TULP4: variants seen among roughly 807,000 people sequenced by gnomAD.
TULP4 encodes the protein TUB like protein 4, also known as tubby-related protein 4.
TULP4 carries 16 observed loss-of-function variants against 129.0 expected under a neutral mutation model. The ratio of observed to expected loss-of-function variants is 0.12; its 90% CI spans 0.08 to 0.19. TULP4 has a LOEUF of 0.19. Ranked by LOEUF, TULP4 falls within the 10% of genes least tolerant of loss-of-function variation. The pLI is 1.00. For missense variants in TULP4, 1,842 were observed against 2,059.1 expected (o/e 0.89, Z 2.04); for synonymous variants, 998 against 854.0 (o/e 1.17, Z -2.94).
intron 4 of TULP4, among the ~76,000 whole-genome samples, chr6:158,449,587 C>A (rs141332909): frequency 6.6e-6 from 1 of 152,178 alleles, no homozygotes; most frequent in African/African-American, 2.4e-5. Context: ...TTAAAGCCCG[C>A]GGCTTTAGGT....
chr6:158,323,896 C>CT (rs369602751), intron 1 of TULP4, among the ~76,000 whole-genome samples: 10 of 152,124 alleles, frequency 6.6e-5, no homozygotes, highest in African/African-American at 2.4e-4. Context: ...TACGTAGGAT[C>CT]TTTTTTCTTG....
At chr6:158,237,336 T>C in intron 1 of TULP4, 1 of 1,611,586 alleles carries the variant, frequency 6.2e-7, no homozygotes, top group Non-Finnish European at 8.5e-7. Context: ...AATATTCTCA[T>C]CACCAGCCAC....
intron 11 of TULP4, among the ~76,000 whole-genome samples, chr6:158,496,704 A>G (rs1264632031): frequency 6.6e-6 from 1 of 152,242 alleles, no homozygotes; most frequent in Non-Finnish European, 1.5e-5. Flanking sequence ...CCATCTGCCT[A>G]TGGTAAATAT....
intron 1 of TULP4, 35 bp downstream of exon 1, chr6:158,314,303 TC>T (rs754652079): frequency 1.9e-6 from 3 of 1,599,016 alleles, no homozygotes; most frequent in Middle Eastern, 1.7e-4. Context: ...TTTGGTCACT[TC>T]CAGTGGTGTT....
At position 158,331,743 on chromosome 6, in the gene TULP4, ACGTGTATATACACGTG is replaced by A. The variant is rs1779891900; in HGVS notation, c.252+17476_252+17491del. On this transcript the variant is annotated intron_variant, in intron 1 of 13. Transcript: ENST00000367097. ...CACACACACACATACGTATATATAT[ACGTGTATATACACGTG>A]TATATATACACGTATATATACACAC... 1.0e-4 allele frequency among the ~76,000 whole-genome samples: 4 copies of A among 38,702 alleles called. 1 individual carries two copies. The highest frequency in any genetic ancestry group is 1.4e-3 in the East Asian group (2 of 1,444). 25.4% of individuals were successfully genotyped at this position (38,702 alleles called of 152,430 possible). A position where few individuals can be genotyped will look rare whatever the true frequency, so the allele number is the denominator to read the frequency against.
chr6:158,294,117 A>C (rs1218587096), intron 1 of TULP4, among the ~76,000 whole-genome samples: 1 of 152,222 alleles, frequency 6.6e-6, no homozygotes, highest in African/African-American at 2.4e-5. Context: ...TAATCCCAGC[A>C]CTTTGGAAGA....
intron 5 of TULP4, 39 bp downstream of exon 5, chr6:158,452,307 GC>G (rs1779180031): frequency 1.2e-6 from 2 of 1,606,892 alleles, no homozygotes; most frequent in African/African-American, 2.7e-5. Context: ...TGCAGACCGG[GC>G]CTGTGTGTGC....
intron 5 of TULP4, among the ~76,000 whole-genome samples, chr6:158,459,137 A>G (rs1374670797): frequency 2.6e-5 from 4 of 152,220 alleles, no homozygotes; most frequent in East Asian, 1.9e-4. Context: ...CACCTGCATT[A>G]GAAGAAGTCC....
chr6:158,281,266 T>G (rs1583701188), upstream of TULP4, among the ~76,000 whole-genome samples: 1 of 150,888 alleles, frequency 6.6e-6, no homozygotes, highest in Admixed American at 6.6e-5. Flanking sequence ...CAGGCTGGAG[T>G]GCAGTGGCAC....
chr6:158,262,558 A>G (rs1778370589), intron 1 of TULP4, among the ~76,000 whole-genome samples: 1 of 152,188 alleles, frequency 6.6e-6, no homozygotes. Context: ...GCTCCTGCCC[A>G]TTCAGGAGCT....
At chr6:158,352,452 A>G (rs1056688740) in intron 1 of TULP4, among the ~76,000 whole-genome samples, 1 of 152,178 alleles carries the variant, frequency 6.6e-6, no homozygotes, top group African/African-American at 2.4e-5. Flanking sequence ...GCTGGAGTGC[A>G]GTGGCACGAT....
intron 11 of TULP4, among the ~76,000 whole-genome samples, chr6:158,496,276 G>A (rs1780336683): frequency 6.6e-6 from 1 of 152,198 alleles, no homozygotes; most frequent in Non-Finnish European, 1.5e-5. Context: ...TACTAAAACT[G>A]GTTTTTGAAA....
intron 1 of TULP4, among the ~76,000 whole-genome samples, chr6:158,381,816 T>C (rs558101295): frequency 6.6e-5 from 10 of 152,380 alleles, no homozygotes; most frequent in South Asian, 2.1e-4. Flanking sequence ...TAGCTTCTCT[T>C]AATGAAACCT....
Position 158,367,056 on chromosome 6 carries a change from G to GA in TULP4, c.253-45998dup, listed in dbSNP as rs11315725. 6.8e-3 allele frequency among the ~76,000 whole-genome samples: 1,014 copies of GA among 149,998 alleles called. 9 individuals are homozygous for GA. Among genetic ancestry groups the GA allele is most frequent in the African/African-American group, 0.023 (944 of 41,050 alleles). ...CTAAGCTGGACTTTGCTTTTGGATT[G>GA]AAAAAAAAAAATCTGAATAACGCTT... On this transcript the variant is annotated intron_variant, in intron 1 of 13. Transcript: ENST00000367097.
At chr6:158,287,981 G>A (rs1259929267) in intron 1 of TULP4, among the ~76,000 whole-genome samples, 5 of 152,148 alleles carry the variant, frequency 3.3e-5, no homozygotes, top group African/African-American at 1.2e-4. Flanking sequence ...CAAAACGGGT[G>A]AATATTAACT....
At chr6:158,283,825 C>T (rs145335830) in intron 1 of TULP4, among the ~76,000 whole-genome samples, 8 of 152,272 alleles carry the variant, frequency 5.3e-5, no homozygotes, top group Non-Finnish European at 1.2e-4. Flanking sequence ...CAGCCTCTCT[C>T]TTGTATTGGC....
intron 2 of TULP4, among the ~76,000 whole-genome samples, chr6:158,416,431 A>G (rs1212729335): frequency 6.6e-6 from 1 of 150,478 alleles, no homozygotes; most frequent in Non-Finnish European, 1.5e-5. Context: ...TATGTGTCTT[A>G]GTTTTTAACA....
intron 13 of TULP4, among the ~76,000 whole-genome samples, chr6:158,505,123 G>A (rs1250912645): frequency 1.3e-5 from 2 of 152,108 alleles, no homozygotes; most frequent in East Asian, 1.9e-4. Context: ...CCCAGTTCTC[G>A]AACCGGATGT....
intron 1 of TULP4, among the ~76,000 whole-genome samples, chr6:158,345,873 C>G (rs1409537735): frequency 6.6e-6 from 1 of 152,106 alleles, no homozygotes; most frequent in Non-Finnish European, 1.5e-5. Flanking sequence ...TTATTTCAGT[C>G]CTTATGTCAA....
Sources: gnomAD v4.1 joint callset for allele counts (sites outside exome capture counted in the v4.1 genomes callset) on GRCh38, gnomAD v4.1.1 for gene constraint, MANE v1.5 for transcripts, NCBI Gene and HGNC (gene_info 2026-07-23, HGNC 2026-07-21) for gene names.